RP1: variants seen among roughly 807,000 people sequenced by gnomAD.
RP1 encodes oxygen-regulated protein 1.
In RP1, 16 loss-of-function variants were observed where a neutral mutation model predicts 14.8. The observed-to-expected ratio is 1.08, with a 90% CI of 0.73 to 1.65. The LOEUF (loss-of-function observed/expected upper bound fraction) is 1.65. RP1 is among the 40% of genes most tolerant of loss of function. The probability of loss-of-function intolerance (pLI) is 0.00; values close to 1 mark genes in which losing one functional copy is unlikely to be tolerated. For synonymous variants in RP1, 876 were observed against 883.6 expected (o/e 0.99, Z 0.15); for missense variants, 2,631 against 2,535.0 (o/e 1.04, Z -0.81).
At chr8:54,766,568 A>G (rs950324419) in intron 22 of RP1, among the ~76,000 whole-genome samples, 1 of 152,150 alleles carries the variant, frequency 6.6e-6, no homozygotes, top group South Asian at 2.1e-4. Context: ...GGAGACATAG[A>G]ATCTTCAAAT....
At chr8:54,579,630 G>T (rs1416299765) in intron 1 of RP1, among the ~76,000 whole-genome samples, 1 of 152,148 alleles carries the variant, frequency 6.6e-6, no homozygotes, top group Non-Finnish European at 1.5e-5. Context: ...CTGATTCAAA[G>T]CTTTGAATGG....
At chr8:54,824,637 A>T (rs1290255990) in intron 24 of RP1, among the ~76,000 whole-genome samples, 1 of 152,252 alleles carries the variant, frequency 6.6e-6, no homozygotes, top group Non-Finnish European at 1.5e-5. Context: ...AATTTTCCTC[A>T]TGAGTATAGA....
intron 24 of RP1, among the ~76,000 whole-genome samples, chr8:54,820,890 T>A (rs547072875): frequency 4.6e-5 from 7 of 151,732 alleles, no homozygotes; most frequent in African/African-American, 1.7e-4. Context: ...CTCAGAAGAG[T>A]AAAAGAAGAC....
intron 12 of RP1, chr8:54,697,220 C>A: frequency 1.5e-6 from 1 of 656,508 alleles, no homozygotes; most frequent in Non-Finnish European, 2.7e-6. Flanking sequence ...AAGATTATTT[C>A]CTGCGTTATC....
Position 54,566,268 on chromosome 8 carries a change from C to T in RP1, c.-13+6948C>T, listed in dbSNP as rs1250931270. On this transcript the variant is annotated intron_variant, in intron 1 of 22. Coordinates refer to the RP1 transcript ENST00000636932. The stretch of plus-strand genomic sequence containing the variant: ...TTCTTAAGAATAATCTTCAACTTCT[C>T]TCCACCCCAAACTTAATCAGTGTCG... 2.0e-5 allele frequency among the ~76,000 whole-genome samples: 3 copies of T among 152,196 alleles called. No individual in the cohort carries two copies. The East Asian group carries it at 5.8e-4, about 29-fold the overall frequency.
rs1554519635 is a variant in RP1, at chr8:54,626,476, CTT to C, written c.2596_2597del (p.Leu866LysfsTer7). The C allele has an allele frequency of 6.2e-7, 1 of 1,613,684 alleles. No individual in the cohort carries two copies. Among genetic ancestry groups the C allele is most frequent in the Non-Finnish European group, 8.5e-7 (1 of 1,179,882 alleles). Reference sequence around the variant, plus strand: ...TCAAAAGTTACTGATTCACACATAACTTTAAAAAGCCAGAAAAAACGTAAAGG... The same window carrying C: ...TCAAAAGTTACTGATTCACACATAACTAAAAAGCCAGAAAAAACGTAAAGG... On this transcript the variant is annotated frameshift_variant, in exon 4 of 4. Coordinates refer to ENST00000220676, the MANE Select transcript of RP1 (RefSeq NM_006269.2). LOFTEE classifies it low-confidence loss of function (END_TRUNC).
At chr8:54,822,751 G>T (rs901396741) in intron 24 of RP1, among the ~76,000 whole-genome samples, 44 of 152,152 alleles carry the variant, frequency 2.9e-4, no homozygotes, top group African/African-American at 1.0e-3. Flanking sequence ...AGCCCTGCAG[G>T]CATCAACATT....
chr8:54,617,585 C>T (rs1805750731), intron 1 of RP1, among the ~76,000 whole-genome samples: 1 of 152,188 alleles, frequency 6.6e-6, no homozygotes, highest in African/African-American at 2.4e-5. Context: ...TGCCTTCTTC[C>T]TGGAGGGCAT....
At chr8:54,845,922 T>C (rs1260297266) in intron 25 of RP1, among the ~76,000 whole-genome samples, 1 of 152,196 alleles carries the variant, frequency 6.6e-6, no homozygotes, top group African/African-American at 2.4e-5. Context: ...TAATGTTCTA[T>C]GCATTTATAG....
At chr8:54,663,189 T>C (rs1471738233) in intron 6 of RP1, among the ~76,000 whole-genome samples, 1 of 152,196 alleles carries the variant, frequency 6.6e-6, no homozygotes, top group African/African-American at 2.4e-5. Context: ...TTAGTAGCCA[T>C]CATGCTTATT....
At chr8:54,792,458 C>T (rs1289888707) in intron 24 of RP1, among the ~76,000 whole-genome samples, 1 of 151,764 alleles carries the variant, frequency 6.6e-6, no homozygotes, top group Non-Finnish European at 1.5e-5. Flanking sequence ...TATGTTAGGA[C>T]ACAAAACAAG....
Position 54,709,370 on chromosome 8 carries a change from A to G in RP1, c.2211+2715A>G, listed in dbSNP as rs553716457. 1.4e-3 allele frequency among the ~76,000 whole-genome samples: 206 copies of G among 152,242 alleles called. 2 individuals carry two copies. The highest frequency in any genetic ancestry group is 2.0e-3 in the Non-Finnish European group (136 of 68,006). Reference sequence around the variant, plus strand: ...AAGCCCCTTCTGTTTTCCCTTCCTGAAGGGCTTCACAGGATGAAATGCCAG... The same window carrying G: ...AAGCCCCTTCTGTTTTCCCTTCCTGGAGGGCTTCACAGGATGAAATGCCAG... On this transcript the variant is annotated intron_variant, in intron 15 of 22. Transcript: ENST00000636932.
intron 12 of RP1, among the ~76,000 whole-genome samples, chr8:54,692,844 GGCTTTTGTTGCCATT>G (rs1272233866): frequency 6.6e-6 from 1 of 151,876 alleles, no homozygotes; most frequent in Non-Finnish European, 1.5e-5. Flanking sequence ...TGCCAATTTT[GGCTTTTGTTGCCATT>G]GCTTTTGGTG....
At chr8:54,696,471 C>G in intron 12 of RP1, 1 of 885,442 alleles carries the variant, frequency 1.1e-6, no homozygotes, top group Non-Finnish European at 1.8e-6. Flanking sequence ...GCTTATCAAG[C>G]CCTCGAAGCC....
intron 15 of RP1, among the ~76,000 whole-genome samples, chr8:54,710,780 G>C (rs778446027): frequency 6.6e-6 from 1 of 152,188 alleles, no homozygotes; most frequent in African/African-American, 2.4e-5. Flanking sequence ...ATGTCCAGCT[G>C]CTTATCCTCT....
chr8:54,734,897 A>G (rs1391020064), intron 18 of RP1, among the ~76,000 whole-genome samples: 6 of 152,166 alleles, frequency 3.9e-5, no homozygotes, highest in Non-Finnish European at 7.3e-5. Context: ...TATTGTAACA[A>G]TCAAAGGAAA....
intron 1 of RP1, among the ~76,000 whole-genome samples, chr8:54,559,785 C>T (rs1310364313): frequency 6.6e-6 from 1 of 152,054 alleles, no homozygotes; most frequent in East Asian, 1.9e-4. Context: ...GGCACAAAGA[C>T]CAGTTAGGAG....
At chr8:54,814,791 AAG>A (rs755225524) in intron 24 of RP1, among the ~76,000 whole-genome samples, 22 of 152,212 alleles carry the variant, frequency 1.4e-4, no homozygotes, top group Non-Finnish European at 3.1e-4. Context: ...GCTCATTAAA[AAG>A]AGTGCAAATT....
chr8:54,584,777 T>C (rs529535856), intron 1 of RP1, among the ~76,000 whole-genome samples: 8 of 152,208 alleles, frequency 5.3e-5, no homozygotes, highest in Non-Finnish European at 1.0e-4. Context: ...TCTCTTTTGA[T>C]CTTTGTTGGT....
Sources: gnomAD v4.1 joint callset for allele counts (sites outside exome capture counted in the v4.1 genomes callset) on GRCh38, gnomAD v4.1.1 for gene constraint, MANE v1.5 for transcripts, NCBI Gene and HGNC (gene_info 2026-07-23, HGNC 2026-07-21) for gene names.